The following ADAM18 variants were observed in gnomAD, a reference collection of about 807,000 sequenced individuals.
ADAM18 encodes the protein disintegrin and metalloproteinase domain-containing protein 18.
Under a neutral mutation model 94.4 loss-of-function variants are expected in ADAM18, and 117 were observed. The observed-to-expected ratio is 1.24, with a 90% CI of 1.07 to 1.45. The LOEUF is 1.45. Among genes scored for constraint, ADAM18 ranks in the 40% most tolerant of loss-of-function variants. The probability of loss-of-function intolerance (pLI) is 0.00; values close to 1 mark genes in which losing one functional copy is unlikely to be tolerated. For missense variants in ADAM18, 936 were observed against 880.0 expected, an observed-to-expected ratio of 1.06 and a Z score of -0.81; for synonymous variants, 327 against 291.6, an observed-to-expected ratio of 1.12 and a Z score of -1.24.
At chr8:39,687,069 T>C (rs745500379) in intron 16 of ADAM18, among the ~76,000 whole-genome samples, 1 of 152,222 alleles carries the variant, frequency 6.6e-6, no homozygotes, top group East Asian at 1.9e-4. Context: ...ATACAGATAT[T>C]AAGTGAAACA....
intron 9 of ADAM18, among the ~76,000 whole-genome samples, chr8:39,637,907 TGTAA>T (rs1398173966): frequency 2.0e-5 from 3 of 151,820 alleles, no homozygotes; most frequent in South Asian, 2.1e-4. Context: ...TAGTTTGGAG[TGTAA>T]GTATTATTTC....
chr8:39,691,093 G>A (rs1306399648), intron 16 of ADAM18, among the ~76,000 whole-genome samples: 2 of 152,120 alleles, frequency 1.3e-5, no homozygotes, highest in Non-Finnish European at 2.9e-5. Context: ...AGGAAATAAT[G>A]CAAGAACCAG....
chr8:39,638,205 T>G (rs961011883), intron 9 of ADAM18, among the ~76,000 whole-genome samples: 16 of 151,954 alleles, frequency 1.1e-4, no homozygotes, highest in African/African-American at 3.4e-4. Flanking sequence ...TTTGAGCTAA[T>G]AAAATTATAT....
chr8:39,699,598 GT>G (rs564634050), intron 17 of ADAM18, among the ~76,000 whole-genome samples: 116 of 152,088 alleles, frequency 7.6e-4, no homozygotes, highest in Non-Finnish European at 1.5e-3. Context: ...AATATGAGAT[GT>G]TTTATGATCT....
At chr8:39,641,589 T>G (rs1289043260) in intron 10 of ADAM18, among the ~76,000 whole-genome samples, 1 of 152,034 alleles carries the variant, frequency 6.6e-6, no homozygotes, top group Non-Finnish European at 1.5e-5. Flanking sequence ...TAGGTGTCCA[T>G]GTGTTCTCAT....
intron 18 of ADAM18, among the ~76,000 whole-genome samples, chr8:39,708,107 T>C (rs1421197206): frequency 6.6e-6 from 1 of 152,214 alleles, no homozygotes; most frequent in East Asian, 1.9e-4. Flanking sequence ...TTCATCATGC[T>C]ACCCAGAACA....
intron 16 of ADAM18, among the ~76,000 whole-genome samples, chr8:39,684,955 C>G (rs1453394530): frequency 6.6e-6 from 1 of 152,076 alleles, no homozygotes; most frequent in East Asian, 1.9e-4. Context: ...TGCCTGCAGC[C>G]CCCAGTCACG....
At chr8:39,701,143 A>AAG (rs1822065185) in intron 17 of ADAM18, among the ~76,000 whole-genome samples, 2 of 142,718 alleles carry the variant, frequency 1.4e-5, no homozygotes, top group African/African-American at 5.4e-5. Flanking sequence ...AAAAAAAAAA[A>AAG]AAAAAATTTA....
intron 17 of ADAM18, among the ~76,000 whole-genome samples, chr8:39,701,453 TA>T (rs1229742143): frequency 1.3e-5 from 2 of 152,116 alleles, no homozygotes; most frequent in Non-Finnish European, 2.9e-5. Context: ...TTTTCTTTTT[TA>T]TTTTTTAATT....
chr8:39,673,817 G>T (rs1002601040), intron 14 of ADAM18, among the ~76,000 whole-genome samples: 1 of 152,112 alleles, frequency 6.6e-6, no homozygotes, highest in Non-Finnish European at 1.5e-5. Context: ...ATTCTGGTAC[G>T]TTTTATCTTT....
intron 2 of ADAM18, among the ~76,000 whole-genome samples, chr8:39,598,321 T>A (rs776462120): frequency 3.9e-5 from 6 of 152,130 alleles, no homozygotes; most frequent in Non-Finnish European, 7.4e-5. Flanking sequence ...TGTGCCTTGA[T>A]CCTGATCTTA....
At chr8:39,642,592 C>G (rs914798173) in intron 10 of ADAM18, among the ~76,000 whole-genome samples, 2 of 151,928 alleles carry the variant, frequency 1.3e-5, no homozygotes, top group African/African-American at 2.4e-5. Flanking sequence ...TCTGGGATCT[C>G]TATTCTGTTC....
intron 6 of ADAM18, among the ~76,000 whole-genome samples, chr8:39,613,691 A>T (rs2129578594): frequency 6.6e-6 from 1 of 152,310 alleles, no homozygotes; most frequent in Middle Eastern, 3.4e-3. Context: ...ATCAAGATTT[A>T]GGAGAAAGTT....
At chr8:39,719,720 C>T (rs1822694861) in intron 18 of ADAM18, among the ~76,000 whole-genome samples, 1 of 151,468 alleles carries the variant, frequency 6.6e-6, no homozygotes, top group Admixed American at 6.6e-5. Flanking sequence ...ATAGATGCTA[C>T]TCATTCCTTT....
chr8:39,700,750 C>T (rs966208251), intron 17 of ADAM18, among the ~76,000 whole-genome samples: 1 of 151,820 alleles, frequency 6.6e-6, no homozygotes, highest in Non-Finnish European at 1.5e-5. Context: ...AATTTTTGCT[C>T]AAAACTAATA....
chr8:39,709,113 C>G (rs1381190859), intron 18 of ADAM18, among the ~76,000 whole-genome samples: 1 of 152,094 alleles, frequency 6.6e-6, no homozygotes, highest in Non-Finnish European at 1.5e-5. Context: ...GTCTGGTGTC[C>G]AGGAAAAATG....
At chr8:39,692,282 T>C (rs1031372970) in intron 16 of ADAM18, among the ~76,000 whole-genome samples, 1 of 151,786 alleles carries the variant, frequency 6.6e-6, no homozygotes, top group African/African-American at 2.4e-5. Flanking sequence ...TAACATAATA[T>C]AGAAAACTCA....
At chr8:39,611,241 A>G in intron 6 of ADAM18, 1 of 528,934 alleles carries the variant, frequency 1.9e-6, no homozygotes, top group Non-Finnish European at 2.4e-6. Flanking sequence ...AATTCCTTGG[A>G]CAAAATGAGT....
At chr8:39,672,658 T>C (rs1344647015) in intron 14 of ADAM18, among the ~76,000 whole-genome samples, 1 of 152,174 alleles carries the variant, frequency 6.6e-6, no homozygotes, top group Non-Finnish European at 1.5e-5. Context: ...ACTCATTGAC[T>C]TAAGTGGGAG....
Sources: allele counts gnomAD v4.1 joint callset (sites outside exome capture counted in the v4.1 genomes callset), GRCh38; gene constraint gnomAD v4.1.1; transcripts MANE v1.5; gene names NCBI Gene and HGNC (gene_info 2026-07-23, HGNC 2026-07-21).